Variants in DDX3X observed in about 807,000 individuals in gnomAD.
DDX3X encodes DEAD-box helicase 3 X-linked, also known as ATP-dependent RNA helicase DDX3X.
Under a neutral mutation model 52.7 loss-of-function variants are expected in DDX3X, and 4 were observed. That is an observed-to-expected ratio of 0.08 (90% confidence interval 0.04 to 0.17). DDX3X has a LOEUF of 0.17. Among genes scored for constraint, DDX3X ranks in the 10% least tolerant of loss-of-function variants. The probability of loss-of-function intolerance (pLI) is 1.00; values close to 1 mark genes in which losing one functional copy is unlikely to be tolerated. For missense variants in DDX3X, 222 were observed against 548.6 expected, an observed-to-expected ratio of 0.40 and a Z score of 5.95; for synonymous variants, 192 against 178.1, an observed-to-expected ratio of 1.08 and a Z score of -0.62.
Position 41,334,621 on chromosome X carries a change from T to TG in DDX3X, c.45+331dup, listed in dbSNP as rs759249990. On this transcript the variant is annotated intron_variant, in intron 1 of 16. Coordinates refer to ENST00000644876, the MANE Select transcript of DDX3X (RefSeq NM_001356.5). ...CGCGAATCCCGACTGATTAGTGACC[T>TG]GGGGGGGTTTGCGGGAGTGCGCAGC... 7.0e-5 allele frequency: 75 copies of TG among 1,078,086 alleles called. 1 individual carries two copies. Among genetic ancestry groups the TG allele is most frequent in the South Asian group, 5.4e-4 (27 of 49,961 alleles). The allele number at this position is 1,078,086 out of a possible 1,213,427, so 88.8% of individuals were successfully genotyped here.
At chrX:41,335,054 T>TGGGGAGGAGTG (rs1482413734) in intron 1 of DDX3X, 1 of 4,727 alleles carries the variant, frequency 2.1e-4, no homozygotes, top group Non-Finnish European at 4.2e-4. Context: ...CGCAGAAGAT[T>TGGGGAGGAGTG]GGGGAGGAGT....
Position 41,341,622 on chromosome X carries a change from T to C in DDX3X, c.284+6T>C, listed in dbSNP as rs2063851879. 1 of 1,208,201 alleles carries C rather than the reference T, an allele frequency of 8.3e-7. No individual in the cohort carries two copies. Among genetic ancestry groups the C allele is most frequent in the East Asian group, 3.0e-5 (1 of 33,789 alleles). ...GGAAGTGGATCAAGGGGAAGGTAAG[T>C]GATTTCTTAATCACCTTACGTGTAT... On this transcript the variant is annotated splice_donor_region_variant and intron_variant, in intron 4 of 16. Transcript: ENST00000644876.
In DDX3X at chrX:41,344,477, G is replaced by A. The variant is rs192432611; in HGVS notation, c.1025+78G>A. The A allele has an allele frequency of 2.5e-5, 28 of 1,123,976 alleles. No homozygotes were observed. In the East Asian group the frequency reaches 8.4e-4, roughly 34 times the overall value. 92.6% of individuals were successfully genotyped at this position (1,123,976 alleles called of 1,213,427 possible). On this transcript the variant is annotated intron_variant, in intron 10 of 16. Coordinates refer to ENST00000644876, the MANE Select transcript of DDX3X (RefSeq NM_001356.5). Reference sequence around the variant, plus strand: ...TTTTTGGCAGAGTTGCGCTCTTGTTGCCCAGGCTGGAGTGCCATGGCGCGA... The same window carrying A: ...TTTTTGGCAGAGTTGCGCTCTTGTTACCCAGGCTGGAGTGCCATGGCGCGA...
chrX:41,347,460 A>G lies in DDX3X; in HGVS notation c.1909+9A>G, dbSNP rs895923569. The G allele has an allele frequency of 7.5e-6, 9 of 1,202,498 alleles. No homozygotes were observed. Among genetic ancestry groups the G allele is most frequent in the Non-Finnish European group, 1.0e-5 (9 of 891,844 alleles). ...CAGAGGATTTGGTGGAGGTAGTGTT[A>G]ATCTGTAACTTCATAGCTTTGGGAA... On this transcript the variant is annotated intron_variant, in intron 16 of 16. Coordinates refer to ENST00000644876, the MANE Select transcript of DDX3X (RefSeq NM_001356.5).
intron 1 of DDX3X, chrX:41,334,645 G>T: frequency 9.4e-7 from 1 of 1,067,937 alleles, no homozygotes; most frequent in East Asian, 4.4e-5. Context: ...GGAGTGCGCA[G>T]CGCGGCGGGA....
intron 12 of DDX3X, 89 bp downstream of exon 12, chrX:41,345,637 C>A: frequency 1.2e-6 from 1 of 807,907 alleles, no homozygotes; most frequent in Non-Finnish European, 1.8e-6. Flanking sequence ...CAGGTGTGAT[C>A]TCATTACTGA....
intron 5 of DDX3X, among the ~76,000 whole-genome samples, chrX:41,361,099 GT>G (rs750531694): frequency 4.6e-4 from 46 of 100,519 alleles, no homozygotes; most frequent in South Asian, 8.6e-4. Context: ...TTGCCGCTCT[GT>G]TTTTTTTTTT....
intron 10 of DDX3X, 60 bp downstream of exon 10, chrX:41,344,459 C>T: frequency 8.6e-7 from 1 of 1,161,515 alleles, no homozygotes; most frequent in Non-Finnish European, 1.2e-6. Context: ...TTGTTTTTGG[C>T]AGAGTTGCGC....
At chrX:41,355,011 G>A (rs1215591312), downstream of DDX3X, among the ~76,000 whole-genome samples, 1 of 110,802 alleles carries the variant, frequency 9.0e-6, no homozygotes, top group African/African-American at 3.3e-5. Context: ...AGTAGAGGCG[G>A]GGTTTCACCA....
intron 3 of DDX3X, 192 bp from the exon 4 acceptor site, chrX:41,341,292 A>G (rs1392682587): frequency 8.5e-5 from 32 of 374,683 alleles, no homozygotes; most frequent in Middle Eastern, 7.5e-4. Context: ...GCCAGTGGAC[A>G]GTATTTTCTA....
Position 41,347,787 on chromosome X carries a change from T to C in DDX3X, c.*68T>C. 1.3e-6 allele frequency: 1 copy of C among 743,765 alleles called. No individual in the cohort carries two copies. The highest frequency in any genetic ancestry group is 2.0e-6 in the Non-Finnish European group (1 of 497,546). 61.3% of individuals were successfully genotyped at this position (743,765 alleles called of 1,213,427 possible). On this transcript the variant is annotated 3_prime_UTR_variant, in exon 17 of 17. Transcript: ENST00000644876. ...GAAACCACATGTAACTTAGCCAGAC[T>C]ATACCTTGTGTAGCTTCAAGAACTC...
At chrX:41,345,068 T>G (rs1401604009) in intron 10 of DDX3X, 112 bp from the exon 11 acceptor site, 4 of 751,444 alleles carry the variant, frequency 5.3e-6, no homozygotes, top group Non-Finnish European at 5.9e-6. Context: ...GAATATATAA[T>G]TGTAATAACC....
At chrX:41,356,723 A>G (rs761196706) in intron 5 of DDX3X, among the ~76,000 whole-genome samples, 52 of 109,683 alleles carry the variant, frequency 4.7e-4, no homozygotes, top group African/African-American at 1.7e-3. Flanking sequence ...TCGGCCTCTC[A>G]AAGTGTTGGG....
chrX:41,353,238 G>A (rs188443098), downstream of DDX3X, among the ~76,000 whole-genome samples: 1 of 101,491 alleles, frequency 9.9e-6, no homozygotes, highest in African/African-American at 3.6e-5. Context: ...CAGATCACGA[G>A]GTCAGGAGAT....
chrX:41,341,735 C>T (rs1429819269), intron 4 of DDX3X, 119 bp downstream of exon 4: 16 of 678,611 alleles, frequency 2.4e-5, no homozygotes, highest in South Asian at 3.5e-5. Context: ...TTTTCTTAGC[C>T]GTAAGAGGCT....
chrX:41,342,628 C>T lies in DDX3X; in HGVS notation c.418C>T (p.Leu140Phe). ...AGATGAAGATGATTGGTCAAAACCA[C>T]TCCCACCAAGTGAACGCTTGGAACA... ...KSDEDDWSKP[L>F]PPSERLEQEL... Residue 140 changes from leucine (L) to phenylalanine (F), a missense_variant, in exon 5 of 17, where the codon CTC becomes TTC. Physicochemically the swap from Leu to Phe is conservative, Grantham distance 22. Transcript: ENST00000644876. 1 of 1,211,942 alleles carries T rather than the reference C, an allele frequency of 8.3e-7. No homozygotes were observed. The highest frequency in any genetic ancestry group is 1.1e-6 in the Non-Finnish European group (1 of 895,541).
chrX:41,338,861 C>A, intron 2 of DDX3X, 175 bp from the exon 3 acceptor site: 1 of 177,290 alleles, frequency 5.6e-6, no homozygotes, highest in Non-Finnish European at 1.1e-5. Context: ...CCTTATGAAG[C>A]AGTAACCCAT....
chrX:41,340,529 G>A (rs895785380), intron 3 of DDX3X: 2 of 217,961 alleles, frequency 9.2e-6, no homozygotes, highest in East Asian at 1.4e-4. Flanking sequence ...CCTGTCTTTG[G>A]GTTAATTTAC....
intron 5 of DDX3X, chrX:41,358,017 T>A (rs1302482122): frequency 3.6e-6 from 1 of 279,692 alleles, no homozygotes; most frequent in Non-Finnish European, 6.2e-6. Context: ...ATTCTTAGTC[T>A]GTAAGCACCT....
Sources: gnomAD v4.1 joint callset for allele counts (sites outside exome capture counted in the v4.1 genomes callset) on GRCh38, gnomAD v4.1.1 for gene constraint, MANE v1.5 for transcripts, NCBI Gene and HGNC (gene_info 2026-07-23, HGNC 2026-07-21) for gene names.